Variants in THSD7B observed in about 807,000 individuals in gnomAD.
The protein encoded by THSD7B is thrombospondin type-1 domain-containing protein 7B.
Under a neutral mutation model 213.6 loss-of-function variants are expected in THSD7B, and 138 were observed. That is an observed-to-expected ratio of 0.65 (90% confidence interval 0.56 to 0.74). The LOEUF (loss-of-function observed/expected upper bound fraction) is 0.74. Among genes scored for constraint, THSD7B ranks in the 30% least tolerant of loss-of-function variants. The pLI is 0.00. For missense variants in THSD7B, 1,931 were observed against 1,991.5 expected, an observed-to-expected ratio of 0.97 and a Z score of 0.58; for synonymous variants, 742 against 687.0, an observed-to-expected ratio of 1.08 and a Z score of -1.25.
At chr2:136,824,539 G>T (rs1682611854) in intron 1 of THSD7B, among the ~76,000 whole-genome samples, 1 of 152,082 alleles carries the variant, frequency 6.6e-6, no homozygotes, top group African/African-American at 2.4e-5. Context: ...TATTTTGAGT[G>T]TACCAAATAT....
intron 2 of THSD7B, among the ~76,000 whole-genome samples, chr2:136,983,377 A>ACACACACACACACACACACACACT (rs1342830898): frequency 6.8e-6 from 1 of 146,300 alleles, no homozygotes; most frequent in Non-Finnish European, 1.5e-5. Flanking sequence ...ACACGCACAC[A>ACACACACACACACACACACACACT]CACTCACTCT....
chr2:137,060,014 T>C (rs780045693), intron 3 of THSD7B, among the ~76,000 whole-genome samples: 3 of 152,158 alleles, frequency 2.0e-5, no homozygotes, highest in Non-Finnish European at 4.4e-5. Context: ...AGTTCTATTT[T>C]GTCACATCAC....
intron 24 of THSD7B, 60 bp from the exon 25 acceptor site, chr2:137,659,592 AAAAAAAAATACC>A: frequency 1.8e-6 from 2 of 1,120,858 alleles, no homozygotes; most frequent in Admixed American, 6.1e-5. Context: ...GGCACAGGTT[AAAAAAAAATACC>A]AAAAAATTAG....
chr2:136,949,039 G>A lies in THSD7B; in HGVS notation c.139+66722G>A, dbSNP rs964880929. On this transcript the variant is annotated intron_variant, in intron 2 of 27. Transcript: ENST00000409968. ...CCTAGGTTGCTTGGGAGGGGATTTG[G>A]CCTGTGTACATTTCTGAGGGACTTC... Among the ~76,000 whole-genome samples the A allele has an allele frequency of 3.3e-5, 5 of 152,244 alleles. No homozygotes were observed. The East Asian group carries it at 9.6e-4, about 29-fold the overall frequency.
rs1197121301 is a variant in THSD7B at position 136,933,583 on chromosome 2, A to T, written c.139+51266A>T. On this transcript the variant is annotated intron_variant, in intron 2 of 27. Coordinates refer to ENST00000409968, the MANE Select transcript of THSD7B (RefSeq NM_001316349.2). ...GACAGAGGGAGACTCTGTCTCAAAA[A>T]CAAAAAAACAACAAAAGAAAATTCT... Among the ~76,000 whole-genome samples, 3 of 152,240 alleles carry T rather than the reference A, an allele frequency of 2.0e-5. No individual in the cohort carries two copies. The East Asian group carries it at 5.8e-4, about 29-fold the overall frequency.
rs114860408 is a variant in THSD7B, at chr2:137,175,983, C to A, written c.1723+5045C>A. ...TTTGTGTTGTCTTTATTTTTAAACT[C>A]TTCGATTATGTTGTATCTCGTGTTG... is the stretch of plus-strand genomic sequence containing the variant. On this transcript the variant is annotated intron_variant, in intron 7 of 27. Transcript: ENST00000409968. Among the ~76,000 whole-genome samples the A allele has an allele frequency of 2.6e-3, 402 of 152,184 alleles. 1 individual carries two copies. Among genetic ancestry groups the A allele is most frequent in the African/African-American group, 9.4e-3 (391 of 41,548 alleles).
intron 2 of THSD7B, among the ~76,000 whole-genome samples, chr2:137,052,618 T>C (rs1035352890): frequency 6.6e-6 from 1 of 152,162 alleles, no homozygotes; most frequent in Non-Finnish European, 1.5e-5. Context: ...TCTTTCTTCA[T>C]GCAACTGCTT....
chr2:137,438,815 A>T (rs893531916), intron 14 of THSD7B, among the ~76,000 whole-genome samples: 6 of 152,228 alleles, frequency 3.9e-5, no homozygotes, highest in African/African-American at 1.4e-4. Context: ...GTCCCTCAGT[A>T]CCTGTACCTG....
chr2:137,341,738 C>A (rs921630458), intron 12 of THSD7B, among the ~76,000 whole-genome samples: 2 of 151,482 alleles, frequency 1.3e-5, no homozygotes, highest in African/African-American at 4.8e-5. Flanking sequence ...TTTACTATTG[C>A]ATATTCTTAG....
chr2:136,980,592 G>C (rs941359879), intron 2 of THSD7B, among the ~76,000 whole-genome samples: 7 of 152,106 alleles, frequency 4.6e-5, no homozygotes, highest in African/African-American at 1.7e-4. Flanking sequence ...CAGTCTCCCT[G>C]GCACCGACAG....
intron 3 of THSD7B, among the ~76,000 whole-genome samples, chr2:137,080,367 GTTTTTTTTTTTTT>G (rs70975798): frequency 1.0e-5 from 1 of 98,402 alleles, no homozygotes; most frequent in African/African-American, 4.2e-5. Flanking sequence ...ATGCCCAGCT[GTTTTTTTTTTTTT>G]TTTTTTTTTT....
At chr2:136,877,257 A>T (rs1040042712) in intron 1 of THSD7B, among the ~76,000 whole-genome samples, 1 of 152,208 alleles carries the variant, frequency 6.6e-6, no homozygotes, top group Non-Finnish European at 1.5e-5. Context: ...CTTAGAATAA[A>T]CTATAATTTA....
chr2:136,800,723 G>A (rs1029639616), intron 1 of THSD7B, among the ~76,000 whole-genome samples: 2 of 151,646 alleles, frequency 1.3e-5, no homozygotes, highest in African/African-American at 2.4e-5. Flanking sequence ...GTTAGCATTT[G>A]GAATGATGGG....
intron 1 of THSD7B, among the ~76,000 whole-genome samples, chr2:136,835,329 T>C (rs948129233): frequency 6.6e-6 from 1 of 152,198 alleles, no homozygotes; most frequent in Non-Finnish European, 1.5e-5. Flanking sequence ...CAGGTGTAAC[T>C]CTCTCATGAC....
intron 1 of THSD7B, among the ~76,000 whole-genome samples, chr2:136,823,981 G>T (rs1249879016): frequency 6.6e-6 from 1 of 152,142 alleles, no homozygotes; most frequent in Non-Finnish European, 1.5e-5. Flanking sequence ...TTGAGTATCT[G>T]CTGTGGCTCA....
intron 2 of THSD7B, among the ~76,000 whole-genome samples, chr2:136,994,295 G>T (rs138074197): frequency 6.6e-6 from 1 of 152,164 alleles, no homozygotes; most frequent in Non-Finnish European, 1.5e-5. Flanking sequence ...GGCCGGGCGC[G>T]GTGGCTCACG....
At chr2:137,494,250 C>G (rs1042879148) in intron 15 of THSD7B, among the ~76,000 whole-genome samples, 1 of 151,864 alleles carries the variant, frequency 6.6e-6, no homozygotes, top group African/African-American at 2.4e-5. Context: ...ATGATCAGAC[C>G]CCCTCTATTT....
At position 137,157,367 on chromosome 2, in the gene THSD7B, C is replaced by A. The variant is rs535267090; in HGVS notation, c.1370-2846C>A. Among the ~76,000 whole-genome samples the A allele has an allele frequency of 3.6e-4, 55 of 152,244 alleles. No homozygotes were observed. In the South Asian group the frequency reaches 5.8e-3, roughly 16 times the overall value. ...GAAGTGGCCCATCTTGGGTTTTATA[C>A]CTTGGGGGATACCTGACATGCTGGG... On this transcript the variant is annotated intron_variant, in intron 5 of 27. Coordinates refer to ENST00000409968, the MANE Select transcript of THSD7B (RefSeq NM_001316349.2).
At chr2:136,907,907 G>A (rs1391103037) in intron 2 of THSD7B, among the ~76,000 whole-genome samples, 1 of 152,168 alleles carries the variant, frequency 6.6e-6, no homozygotes, top group Non-Finnish European at 1.5e-5. Context: ...AGTATTTTAG[G>A]TGATAGTGGT....
Sources: gnomAD v4.1 joint callset for allele counts (sites outside exome capture counted in the v4.1 genomes callset) on GRCh38, gnomAD v4.1.1 for gene constraint, MANE v1.5 for transcripts, NCBI Gene and HGNC (gene_info 2026-07-23, HGNC 2026-07-21) for gene names.